The following KCTD16 variants were observed in gnomAD, a reference collection of about 807,000 sequenced individuals.
KCTD16 encodes potassium channel tetramerization domain containing 16.
Under a neutral mutation model 33.2 loss-of-function variants are expected in KCTD16, and 13 were observed. That is an observed-to-expected ratio of 0.39 (90% CI 0.25 to 0.62). The LOEUF is 0.62. Among genes scored for constraint, KCTD16 ranks in the 20% least tolerant of loss-of-function variants. The pLI is 0.50. For synonymous variants in KCTD16, 197 were observed against 195.3 expected (o/e 1.01, Z -0.07); for missense variants, 441 against 525.1 (o/e 0.84, Z 1.57).
chr5:144,191,500 AC>A (rs1329345691), intron 2 of KCTD16, among the ~76,000 whole-genome samples: 3 of 152,084 alleles, frequency 2.0e-5, no homozygotes, highest in South Asian at 2.1e-4. Context: ...TCTACATAGA[AC>A]CTTTAGCTTC....
At chr5:144,347,929 G>C (rs1422015439) in intron 3 of KCTD16, among the ~76,000 whole-genome samples, 3 of 152,162 alleles carry the variant, frequency 2.0e-5, no homozygotes, top group Non-Finnish European at 4.4e-5. Flanking sequence ...TGCGGTAGCT[G>C]ACCTCATGTC....
At chr5:144,430,416 G>A (rs1753431958) in intron 3 of KCTD16, among the ~76,000 whole-genome samples, 1 of 152,082 alleles carries the variant, frequency 6.6e-6, no homozygotes, top group African/African-American at 2.4e-5. Flanking sequence ...TTTGCCTGTG[G>A]CAGATGCATT....
rs754904967 is a variant in KCTD16 at position 144,207,458 on chromosome 5, G to C, written c.744G>C (p.Val248=). 3 of 1,614,172 alleles carry C rather than the reference G, an allele frequency of 1.9e-6. No homozygotes were observed. The highest frequency in any genetic ancestry group is 2.5e-6 in the Non-Finnish European group (3 of 1,180,018). The part of the protein sequence containing the change: ...DMLSECGFHM[V]ACNSSVTASF... Reference sequence around the variant, plus strand: ...TGTCAGAGTGTGGATTCCACATGGTGGCCTGTAACTCATCGGTGACAGCAT... The same window carrying C: ...TGTCAGAGTGTGGATTCCACATGGTCGCCTGTAACTCATCGGTGACAGCAT... The change falls in exon 3 of 4, where the codon GTG becomes GTC. Residue 248 remains valine, a synonymous_variant. Transcript: ENST00000512467.
chr5:144,258,237 G>A (rs999764201), intron 3 of KCTD16, among the ~76,000 whole-genome samples: 5 of 151,972 alleles, frequency 3.3e-5, no homozygotes, highest in African/African-American at 1.2e-4. Flanking sequence ...CCAATGCATT[G>A]TAGTTCCTGC....
chr5:144,350,400 C>T (rs141298985), intron 3 of KCTD16, among the ~76,000 whole-genome samples: 70 of 152,270 alleles, frequency 4.6e-4, no homozygotes, highest in African/African-American at 1.7e-3. Flanking sequence ...GACAGAGACA[C>T]ATATTATAAA....
At chr5:144,417,824 T>G (rs757867663) in intron 3 of KCTD16, among the ~76,000 whole-genome samples, 1 of 152,028 alleles carries the variant, frequency 6.6e-6, no homozygotes, top group Non-Finnish European at 1.5e-5. Context: ...GGATATGCAG[T>G]TATTTTGGTA....
At chr5:144,317,807 A>T (rs965564826) in intron 3 of KCTD16, among the ~76,000 whole-genome samples, 2 of 152,098 alleles carry the variant, frequency 1.3e-5, no homozygotes, top group African/African-American at 4.8e-5. Context: ...ACTGACATGT[A>T]CGTTGTATTT....
At chr5:144,173,038 A>G (rs564244860) in intron 1 of KCTD16, among the ~76,000 whole-genome samples, 1 of 152,374 alleles carries the variant, frequency 6.6e-6, no homozygotes, top group Admixed American at 6.5e-5. Flanking sequence ...GTGAGAGTGT[A>G]AATTAGTTCA....
At chr5:144,209,432 A>G (rs1459626772) in intron 3 of KCTD16, among the ~76,000 whole-genome samples, 2 of 152,162 alleles carry the variant, frequency 1.3e-5, no homozygotes, top group Admixed American at 6.5e-5. Context: ...CCATCTCTCC[A>G]TGGACAGGCT....
intron 3 of KCTD16, among the ~76,000 whole-genome samples, chr5:144,468,077 C>T (rs1754387830): frequency 6.6e-6 from 1 of 152,106 alleles, no homozygotes; most frequent in Non-Finnish European, 1.5e-5. Flanking sequence ...CCCTTTTTTC[C>T]CCTCTATAAT....
intron 3 of KCTD16, among the ~76,000 whole-genome samples, chr5:144,238,916 G>A (rs930799232): frequency 6.6e-6 from 1 of 152,090 alleles, no homozygotes; most frequent in Non-Finnish European, 1.5e-5. Context: ...AAAGTTCAGG[G>A]GAGAAGACAA....
At chr5:144,358,164 T>A (rs1751618561) in intron 3 of KCTD16, among the ~76,000 whole-genome samples, 1 of 149,484 alleles carries the variant, frequency 6.7e-6, no homozygotes. Context: ...AAATTCCTGA[T>A]GTTAAATGAT....
rs1754586433 is a variant in KCTD16 at position 144,476,018 on chromosome 5, G to T, written c.*1904G>T. ...ATGAATTTAAGTGGTATTCTTTTCT[G>T]TATTAATATATTAGCAGATATTTGG... On this transcript the variant is annotated 3_prime_UTR_variant, in exon 4 of 4. Coordinates refer to ENST00000512467, the MANE Select transcript of KCTD16 (RefSeq NM_020768.4). The T allele has an allele frequency of 6.6e-6, 1 of 152,166 alleles. No individual in the cohort carries two copies. Among genetic ancestry groups the T allele is most frequent in the Admixed American group, 6.5e-5 (1 of 15,274 alleles). 9.4% of individuals were successfully genotyped at this position (152,166 alleles called of 1,614,324 possible).
intron 3 of KCTD16, among the ~76,000 whole-genome samples, chr5:144,468,409 T>G (rs1168108779): frequency 1.3e-5 from 2 of 152,334 alleles, no homozygotes; most frequent in South Asian, 2.1e-4. Context: ...CTAGTTTAAC[T>G]GTCTGTTCTT....
At chr5:144,273,013 C>G (rs1337060671) in intron 3 of KCTD16, among the ~76,000 whole-genome samples, 1 of 151,920 alleles carries the variant, frequency 6.6e-6, no homozygotes, top group African/African-American at 2.4e-5. Flanking sequence ...CATAAGAAGA[C>G]AATATCAACA....
intron 3 of KCTD16, among the ~76,000 whole-genome samples, chr5:144,374,827 C>G (rs570307771): frequency 6.6e-6 from 1 of 152,182 alleles, no homozygotes; most frequent in South Asian, 2.1e-4. Flanking sequence ...AACATCTTTT[C>G]TCTGCTGTGT....
At chr5:144,211,899 T>A (rs1465595473) in intron 3 of KCTD16, among the ~76,000 whole-genome samples, 1 of 152,104 alleles carries the variant, frequency 6.6e-6, no homozygotes, top group Non-Finnish European at 1.5e-5. Context: ...TCATGTCTGC[T>A]CTCCAGTTCT....
chr5:144,407,218 A>T lies in KCTD16; in HGVS notation c.833-66442A>T, dbSNP rs868763969. Among the ~76,000 whole-genome samples, 43 of 93,422 alleles carry T rather than the reference A, an allele frequency of 4.6e-4. 1 individual carries two copies. Among genetic ancestry groups the T allele is most frequent in the Middle Eastern group, 0.011 (2 of 174 alleles). The allele number at this position is 93,422 out of a possible 152,430, so 61.3% of individuals were successfully genotyped here. A position where few individuals can be genotyped will look rare whatever the true frequency, so the allele number is the denominator to read the frequency against. On this transcript the variant is annotated intron_variant, in intron 3 of 3. Transcript: ENST00000512467. ...AAATTCCTGTTTTTTTTTTTTTTTT[A>T]AACTATGTCATCAACTAAATTTTAG... is the stretch of plus-strand genomic sequence containing the variant.
intron 3 of KCTD16, among the ~76,000 whole-genome samples, chr5:144,223,768 G>A (rs1227698431): frequency 1.3e-5 from 2 of 152,000 alleles, no homozygotes; most frequent in East Asian, 1.9e-4. Context: ...TCCTGACTTC[G>A]AGTTGCTAGG....
Sources: gnomAD v4.1 joint callset for allele counts (sites outside exome capture counted in the v4.1 genomes callset) on GRCh38, gnomAD v4.1.1 for gene constraint, MANE v1.5 for transcripts, NCBI Gene and HGNC (gene_info 2026-07-23, HGNC 2026-07-21) for gene names.